TNKS: variants seen among roughly 807,000 people sequenced by gnomAD.
TNKS encodes the protein tankyrase.
TNKS carries 72 observed loss-of-function variants against 135.8 expected under a neutral mutation model. That is an observed-to-expected ratio of 0.53 (90% CI 0.44 to 0.64). The LOEUF (loss-of-function observed/expected upper bound fraction) is 0.64. Among genes scored for constraint, TNKS ranks in the 30% least tolerant of loss-of-function variants. The pLI, the probability that TNKS is intolerant of heterozygous loss-of-function variation, is 0.00. For missense variants in TNKS, 1,769 were observed against 1,674.0 expected, an observed-to-expected ratio of 1.06 and a Z score of -0.99; for synonymous variants, 849 against 649.3, an observed-to-expected ratio of 1.31 and a Z score of -4.68.
At chr8:9,635,055 G>A (rs919756907) in intron 3 of TNKS, among the ~76,000 whole-genome samples, 2 of 152,038 alleles carry the variant, frequency 1.3e-5, no homozygotes, top group African/African-American at 2.4e-5. Context: ...CTGTAGGCGC[G>A]GCCACTCGGG....
intron 26 of TNKS, among the ~76,000 whole-genome samples, chr8:9,773,313 TA>T (rs1808046732): frequency 6.6e-6 from 1 of 152,186 alleles, no homozygotes. Flanking sequence ...ATATGTCTGA[TA>T]TTTTTTAACA....
At chr8:9,707,745 TAAG>T (rs1033584754) in intron 8 of TNKS, among the ~76,000 whole-genome samples, 7 of 152,206 alleles carry the variant, frequency 4.6e-5, no homozygotes, top group Admixed American at 4.6e-4. Flanking sequence ...ATGAAAATAA[TAAG>T]CTATTAATTG....
intron 3 of TNKS, among the ~76,000 whole-genome samples, chr8:9,665,331 A>T (rs1585300629): frequency 6.6e-6 from 1 of 152,228 alleles, no homozygotes; most frequent in Admixed American, 6.5e-5. Flanking sequence ...ATAGCAGGAC[A>T]TTGCCTTTAT....
intron 3 of TNKS, among the ~76,000 whole-genome samples, chr8:9,623,061 T>C (rs1036191581): frequency 6.6e-6 from 1 of 152,222 alleles, no homozygotes; most frequent in Admixed American, 6.5e-5. Context: ...GTGGTCTCTC[T>C]CTGTGTCTCA....
chr8:9,615,658 A>T lies in TNKS; in HGVS notation c.975A>T (p.Ser325=). 1 of 1,612,930 alleles carries T rather than the reference A, an allele frequency of 6.2e-7. No homozygotes were observed. Among genetic ancestry groups the T allele is most frequent in the South Asian group, 1.1e-5 (1 of 90,736 alleles). The part of the protein sequence containing the change: ...GKSALDLADP[S]AKAVLTGEYK... ...CAGCCCTGGACCTGGCAGATCCTTC[A>T]GCAAAAGCTGTCCTTACAGGTAAGA... Residue 325 remains serine, a synonymous_variant, in exon 3 of 27, where the codon TCA becomes TCT. Transcript: ENST00000310430.
chr8:9,631,959 C>A (rs191452012), intron 3 of TNKS, among the ~76,000 whole-genome samples: 55 of 152,210 alleles, frequency 3.6e-4, no homozygotes, highest in Admixed American at 1.1e-3. Context: ...TCAGATTCTT[C>A]ATTAAAATCA....
chr8:9,680,658 A>C lies in TNKS; in HGVS notation c.1032-67A>C, dbSNP rs1376443454. 1.1e-5 allele frequency: 13 copies of C among 1,133,602 alleles called. No homozygotes were observed. In the East Asian group the frequency reaches 3.1e-4, roughly 27 times the overall value. 70.2% of individuals were successfully genotyped at this position (1,133,602 alleles called of 1,614,324 possible). A position where few individuals can be genotyped will look rare whatever the true frequency, so the allele number is the denominator to read the frequency against. On this transcript the variant is annotated intron_variant, in intron 4 of 26. Transcript: ENST00000310430. ...CCCATATTTTACTCTCGTGTGAAAAAATTATGCATAAATATTCATAAGAAG... is the reference window on the plus strand; with the variant it reads ...CCCATATTTTACTCTCGTGTGAAAACATTATGCATAAATATTCATAAGAAG...
chr8:9,603,298 G>A (rs993555905), intron 2 of TNKS, among the ~76,000 whole-genome samples: 2 of 151,818 alleles, frequency 1.3e-5, no homozygotes, highest in South Asian at 4.2e-4. Flanking sequence ...GAAGTGATCC[G>A]CCCGCCTTGG....
In TNKS at chr8:9,735,239, C is replaced by G. The variant is rs565486355; in HGVS notation, c.2534-138C>G. 2.0e-4 allele frequency: 217 copies of G among 1,071,068 alleles called. No homozygotes were observed. In the African/African-American group the frequency reaches 2.7e-3, roughly 13 times the overall value. 66.3% of individuals were successfully genotyped at this position (1,071,068 alleles called of 1,614,324 possible). On this transcript the variant is annotated intron_variant, in intron 16 of 26. Coordinates refer to ENST00000310430, the MANE Select transcript of TNKS (RefSeq NM_003747.3). ...TGTATAATTTCTTATTGTGAAGTCC[C>G]TCCATTATGTGATAACAGTATTAGC...
At chr8:9,608,391 C>G (rs777447191) in intron 2 of TNKS, among the ~76,000 whole-genome samples, 2 of 152,070 alleles carry the variant, frequency 1.3e-5, no homozygotes, top group African/African-American at 2.4e-5. Flanking sequence ...TTATTCATAA[C>G]TAACGTTGAT....
Position 9,726,692 on chromosome 8 carries a change from C to G in TNKS, c.1973C>G (p.Ser658Cys), listed in dbSNP as rs149437110. 1.2e-6 allele frequency: 2 copies of G among 1,613,492 alleles called. No homozygotes were observed. The highest frequency in any genetic ancestry group is 1.7e-6 in the Non-Finnish European group (2 of 1,179,832). Residue 658 changes from serine (S) to cysteine (C), a missense_variant, in exon 13 of 27, where the codon TCT (serine) becomes TGT (cysteine). Transcript: ENST00000310430. ...SDVDYRLLEASKAGDLETVKQ... is the reference protein window; with the variant it reads ...SDVDYRLLEACKAGDLETVKQ... Reference sequence around the variant, plus strand: ...GTTGATTATCGACTCTTAGAGGCATCTAAAGCTGGAGACTTGGAAACTGTG... The same window carrying G: ...GTTGATTATCGACTCTTAGAGGCATGTAAAGCTGGAGACTTGGAAACTGTG...
chr8:9,651,275 T>G (rs1298397256), intron 3 of TNKS, among the ~76,000 whole-genome samples: 1 of 152,274 alleles, frequency 6.6e-6, no homozygotes, highest in East Asian at 1.9e-4. Context: ...TATATAAAAA[T>G]AGCAGCTAAA....
At chr8:9,726,766 C>A in intron 13 of TNKS, 46 bp downstream of exon 13, 2 of 1,435,074 alleles carry the variant, frequency 1.4e-6, no homozygotes, top group Non-Finnish European at 9.7e-7. Context: ...TTGAACTTTG[C>A]TAACCAATTC....
At chr8:9,740,255 A>G (rs1805867837) in intron 17 of TNKS, among the ~76,000 whole-genome samples, 1 of 152,120 alleles carries the variant, frequency 6.6e-6, no homozygotes, top group Non-Finnish European at 1.5e-5. Flanking sequence ...CAGTTCATCC[A>G]CTTAATCCCT....
chr8:9,695,883 G>A (rs1585339363), intron 5 of TNKS, among the ~76,000 whole-genome samples: 1 of 152,178 alleles, frequency 6.6e-6, no homozygotes, highest in Admixed American at 6.5e-5. Flanking sequence ...TAACTAAAAG[G>A]ATGGCGTTGT....
intron 2 of TNKS, among the ~76,000 whole-genome samples, chr8:9,591,948 GCTTT>G (rs1208994514): frequency 6.6e-6 from 1 of 152,138 alleles, no homozygotes; most frequent in East Asian, 1.9e-4. Flanking sequence ...TGCTTCAAAT[GCTTT>G]CTAACAACTT....
At chr8:9,558,913 G>A (rs1797201632) in intron 1 of TNKS, 1 of 152,066 alleles carries the variant, frequency 6.6e-6, no homozygotes, top group African/African-American at 2.4e-5. Context: ...TCTTTATCAT[G>A]TATAGGCTGA....
chr8:9,678,550 T>C (rs1447780805), intron 3 of TNKS, among the ~76,000 whole-genome samples: 1 of 152,204 alleles, frequency 6.6e-6, no homozygotes, highest in African/African-American at 2.4e-5. Flanking sequence ...AAAATAGGTA[T>C]TTAACAACTT....
At chr8:9,755,800 G>A (rs1348459474) in intron 20 of TNKS, among the ~76,000 whole-genome samples, 4 of 152,164 alleles carry the variant, frequency 2.6e-5, no homozygotes, top group Non-Finnish European at 4.4e-5. Flanking sequence ...TGCCAGTGGG[G>A]TGTGGAATGT....
Sources: gnomAD v4.1 joint callset for allele counts (sites outside exome capture counted in the v4.1 genomes callset) on GRCh38, gnomAD v4.1.1 for gene constraint, MANE v1.5 for transcripts, NCBI Gene and HGNC (gene_info 2026-07-23, HGNC 2026-07-21) for gene names.